ADGRL2: variants seen among roughly 807,000 people sequenced by gnomAD.
The protein encoded by ADGRL2 is calcium-independent alpha-latrotoxin receptor 2.
Under a neutral mutation model 157.4 loss-of-function variants are expected in ADGRL2, and 44 were observed. The observed-to-expected ratio is 0.28, with a 90% CI of 0.22 to 0.36. ADGRL2 has a LOEUF of 0.36. Among genes scored for constraint, ADGRL2 ranks in the 10% least tolerant of loss-of-function variants. The pLI is 1.00. For synonymous variants in ADGRL2, 585 were observed against 624.7 expected, an observed-to-expected ratio of 0.94 and a Z score of 0.95; for missense variants, 1,510 against 1,768.9, an observed-to-expected ratio of 0.85 and a Z score of 2.63.
chr1:81,934,229 A>G (rs2148823006), intron 3 of ADGRL2, among the ~76,000 whole-genome samples: 1 of 152,188 alleles, frequency 6.6e-6, no homozygotes, highest in East Asian at 1.9e-4. Flanking sequence ...TGAACCTGTA[A>G]TTGGTCAGAG....
intron 3 of ADGRL2, among the ~76,000 whole-genome samples, chr1:81,926,671 A>G (rs2095114735): frequency 6.6e-6 from 1 of 152,048 alleles, no homozygotes; most frequent in African/African-American, 2.4e-5. Flanking sequence ...GTATTACAAA[A>G]TTTTATGGTT....
intron 3 of ADGRL2, among the ~76,000 whole-genome samples, chr1:81,928,107 T>C (rs2095149909): frequency 6.6e-6 from 1 of 152,048 alleles, no homozygotes; most frequent in Admixed American, 6.6e-5. Context: ...TGTTCTAAAG[T>C]TATATGCTGT....
intron 2 of ADGRL2, among the ~76,000 whole-genome samples, chr1:81,901,576 A>G: frequency 6.6e-6 from 1 of 151,368 alleles, no homozygotes; most frequent in South Asian, 2.1e-4. Flanking sequence ...AAACATATAT[A>G]TATATATTTT....
chr1:81,356,952 C>CAAAAAAAAAAAAAAAAAAAAAAAAAAA lies in ADGRL2; in HGVS notation c.-302+50464_-302+50465insAAAAAAAAAAAAAAAAAAAAAAAAAAA, dbSNP rs757239865. Reference sequence around the variant, plus strand: ...TGGGGGACAAAATGAGACTCCGTCTCAAAAAAAAAAAAAAAAAAAAAGAAG... The same window carrying CAAAAAAAAAAAAAAAAAAAAAAAAAAA: ...TGGGGGACAAAATGAGACTCCGTCTCAAAAAAAAAAAAAAAAAAAAAAAAAAAAAAAAAAAAAAAAAAAAAAAAGAAG... On this transcript the variant is annotated intron_variant, in intron 1 of 24. Transcript: ENST00000370721. 3.1e-4 allele frequency among the ~76,000 whole-genome samples: 17 copies of CAAAAAAAAAAAAAAAAAAAAAAAAAAA among 55,674 alleles called. 2 individuals carry two copies. Among genetic ancestry groups the CAAAAAAAAAAAAAAAAAAAAAAAAAAA allele is most frequent in the African/African-American group, 1.0e-3 (14 of 13,594 alleles). 36.5% of individuals were successfully genotyped at this position (55,674 alleles called of 152,430 possible).
chr1:81,565,393 T>A (rs2080535074), intron 2 of ADGRL2, among the ~76,000 whole-genome samples: 1 of 152,332 alleles, frequency 6.6e-6, no homozygotes, highest in Non-Finnish European at 1.5e-5. Flanking sequence ...GGAATATGGA[T>A]GATGAATGAA....
intron 2 of ADGRL2, among the ~76,000 whole-genome samples, chr1:81,515,364 G>T (rs1315705699): frequency 6.6e-6 from 1 of 150,938 alleles, no homozygotes; most frequent in African/African-American, 2.4e-5. Context: ...TTCTGCCTTT[G>T]CTTAGAACAT....
At chr1:81,929,532 T>C (rs546536434) in intron 3 of ADGRL2, among the ~76,000 whole-genome samples, 1 of 152,250 alleles carries the variant, frequency 6.6e-6, no homozygotes, top group South Asian at 2.1e-4. Flanking sequence ...CCTCTCACAA[T>C]AGATTACACA....
chr1:81,813,062 AT>A (rs1236076802), intron 1 of ADGRL2, among the ~76,000 whole-genome samples: 1 of 151,684 alleles, frequency 6.6e-6, no homozygotes, highest in East Asian at 1.9e-4. Context: ...GCATTTGGAT[AT>A]TTTTTAGTGA....
intron 3 of ADGRL2, among the ~76,000 whole-genome samples, chr1:81,650,866 G>C (rs1216727433): frequency 1.3e-5 from 2 of 152,116 alleles, no homozygotes; most frequent in Non-Finnish European, 2.9e-5. Context: ...AATTGGCCTT[G>C]TGGAGAGTAT....
At chr1:81,477,799 A>C (rs1366070104) in intron 2 of ADGRL2, among the ~76,000 whole-genome samples, 6 of 152,184 alleles carry the variant, frequency 3.9e-5, no homozygotes, top group African/African-American at 1.4e-4. Flanking sequence ...AGTGTTTTTT[A>C]TTTTAGTGAT....
intron 1 of ADGRL2, among the ~76,000 whole-genome samples, chr1:81,336,047 TA>T (rs1661620344): frequency 1.3e-5 from 2 of 152,180 alleles, no homozygotes; most frequent in Non-Finnish European, 2.9e-5. Context: ...TAGCTGTTTG[TA>T]AGACAAGGGA....
chr1:81,668,519 A>C (rs556261792), intron 3 of ADGRL2, among the ~76,000 whole-genome samples: 1 of 143,700 alleles, frequency 7.0e-6, no homozygotes, highest in African/African-American at 2.6e-5. Flanking sequence ...TAGATGGAAT[A>C]TAATTTCACT....
chr1:81,919,084 A>G (rs1476491177), intron 3 of ADGRL2, among the ~76,000 whole-genome samples: 2 of 152,158 alleles, frequency 1.3e-5, no homozygotes, highest in East Asian at 3.9e-4. Context: ...TCACAGGTTG[A>G]TATGTACATT....
chr1:81,929,520 C>T lies in ADGRL2; in HGVS notation c.288-7208C>T, dbSNP rs6670794. 1.0e-3 allele frequency among the ~76,000 whole-genome samples: 155 copies of T among 152,254 alleles called. 1 individual carries two copies. The highest frequency in any genetic ancestry group is 3.6e-3 in the African/African-American group (149 of 41,544). On this transcript the variant is annotated intron_variant, in intron 3 of 23. Transcript: ENST00000686636. ...AGCAGAACAAGACTATTGATTAAAA[C>T]ACCTCTCACAATAGATTACACATGG...
chr1:81,382,507 C>T (rs1042153693), intron 1 of ADGRL2, among the ~76,000 whole-genome samples: 4 of 152,028 alleles, frequency 2.6e-5, no homozygotes, highest in Non-Finnish European at 4.4e-5. Flanking sequence ...TTCAATTGCA[C>T]GCCATTGTGT....
At chr1:81,529,159 C>A (rs10782763) in intron 2 of ADGRL2, among the ~76,000 whole-genome samples, 97,663 of 152,120 alleles carry the variant, frequency 0.64, 31,564 homozygotes, top group East Asian at 0.68. Context: ...CTAACCTGGC[C>A]GTGGTGGGAG....
intron 11 of ADGRL2, among the ~76,000 whole-genome samples, chr1:81,959,650 A>T (rs1654686014): frequency 6.6e-6 from 1 of 152,298 alleles, no homozygotes; most frequent in Admixed American, 6.5e-5. Flanking sequence ...CATACTCTTT[A>T]AAAAACCACA....
chr1:81,787,910 A>G (rs770383887), intron 2 of ADGRL2, among the ~76,000 whole-genome samples: 5 of 152,188 alleles, frequency 3.3e-5, no homozygotes, highest in Non-Finnish European at 7.3e-5. Flanking sequence ...ATGTATATTG[A>G]CAGTATAATT....
chr1:81,662,758 T>A (rs1338891385), intron 3 of ADGRL2, among the ~76,000 whole-genome samples: 1 of 151,478 alleles, frequency 6.6e-6, no homozygotes, highest in Non-Finnish European at 1.5e-5. Flanking sequence ...GGTTTCACCA[T>A]CTTGGCCAGG....
Sources: allele counts gnomAD v4.1 joint callset (sites outside exome capture counted in the v4.1 genomes callset), GRCh38; gene constraint gnomAD v4.1.1; transcripts MANE v1.5; gene names NCBI Gene and HGNC (gene_info 2026-07-23, HGNC 2026-07-21).